ATXN1: variants seen among roughly 807,000 people sequenced by gnomAD.
ATXN1 encodes ataxin-1.
Under a neutral mutation model 56.4 loss-of-function variants are expected in ATXN1, and 8 were observed. The observed-to-expected ratio is 0.14, with a 90% CI of 0.08 to 0.26. The LOEUF (loss-of-function observed/expected upper bound fraction) is 0.26, where lower values mean the gene tolerates loss of function less well. Among genes scored for constraint, ATXN1 ranks in the 10% least tolerant of loss-of-function variants. ATXN1 has a pLI of 1.00. For missense variants in ATXN1, 987 were observed against 1,106.5 expected (o/e 0.89, Z 1.53); for synonymous variants, 514 against 494.6 (o/e 1.04, Z -0.52).
chr6:16,545,793 G>T (rs770694746), intron 4 of ATXN1, among the ~76,000 whole-genome samples: 6 of 152,236 alleles, frequency 3.9e-5, no homozygotes, highest in Non-Finnish European at 8.8e-5. Context: ...AGCAAAGAAA[G>T]CCTGAAAATA....
chr6:16,620,468 GTCTC>G (rs3831515), intron 3 of ATXN1, among the ~76,000 whole-genome samples: 3,993 of 150,552 alleles, frequency 0.027, 71 homozygotes, highest in South Asian at 0.072. Flanking sequence ...AAATTTCTCT[GTCTC>G]TCTCTCTCTC....
intron 3 of ATXN1, among the ~76,000 whole-genome samples, chr6:16,654,633 A>C (rs1188153846): frequency 2.0e-5 from 3 of 151,608 alleles, no homozygotes; most frequent in Non-Finnish European, 4.4e-5. Flanking sequence ...AGTGACAGCC[A>C]GGATTTGTGG....
At chr6:16,316,861 C>CTT (rs1760521842) in intron 7 of ATXN1, among the ~76,000 whole-genome samples, 1 of 96,916 alleles carries the variant, frequency 1.0e-5, no homozygotes, top group Admixed American at 1.1e-4. Flanking sequence ...GAGAGACTGC[C>CTT]TGTCTTTTTT....
intron 3 of ATXN1, among the ~76,000 whole-genome samples, chr6:16,617,766 C>CAAAAAAAAAA (rs397975811): frequency 2.3e-4 from 21 of 89,424 alleles, no homozygotes; most frequent in African/African-American, 6.0e-4. Context: ...AACTCTGTCT[C>CAAAAAAAAAA]AAAAAAAAAA....
chr6:16,566,027 G>C (rs931499049), intron 4 of ATXN1, among the ~76,000 whole-genome samples: 4 of 152,094 alleles, frequency 2.6e-5, no homozygotes, highest in East Asian at 3.9e-4. Context: ...TGGATGGTAG[G>C]GGGAGGGAAG....
At chr6:16,640,551 C>G (rs573102052) in intron 3 of ATXN1, among the ~76,000 whole-genome samples, 1 of 151,904 alleles carries the variant, frequency 6.6e-6, no homozygotes, top group African/African-American at 2.4e-5. Context: ...GACGTAGTGG[C>G]GGGTGCCTGT....
At chr6:16,399,996 C>A (rs141585880) in intron 6 of ATXN1, among the ~76,000 whole-genome samples, 1,550 of 152,310 alleles carry the variant, frequency 0.01, 13 homozygotes, top group Non-Finnish European at 0.015. Flanking sequence ...CACAGCCCAG[C>A]AGCATCAGCA....
intron 3 of ATXN1, among the ~76,000 whole-genome samples, chr6:16,636,873 T>C (rs1393117274): frequency 6.6e-6 from 1 of 152,112 alleles, no homozygotes; most frequent in East Asian, 1.9e-4. Flanking sequence ...AGTGGAGAAA[T>C]AGGAACACTT....
At chr6:16,364,302 G>A (rs1761871401) in intron 6 of ATXN1, among the ~76,000 whole-genome samples, 1 of 152,018 alleles carries the variant, frequency 6.6e-6, no homozygotes, top group Non-Finnish European at 1.5e-5. Flanking sequence ...TTCATGCTGA[G>A]GTTCTAGATT....
At chr6:16,597,873 C>A (rs570617581) in intron 3 of ATXN1, among the ~76,000 whole-genome samples, 5 of 151,928 alleles carry the variant, frequency 3.3e-5, no homozygotes, top group South Asian at 4.2e-4. Context: ...CCAGGGACAG[C>A]AAAGAAAGGC....
intron 2 of ATXN1, among the ~76,000 whole-genome samples, chr6:16,707,913 A>G (rs1010271439): frequency 6.6e-6 from 1 of 152,260 alleles, no homozygotes; most frequent in Non-Finnish European, 1.5e-5. Flanking sequence ...AAAACAAAAC[A>G]AAACAAAAAG....
At chr6:16,582,086 G>C (rs1466999570) in intron 4 of ATXN1, among the ~76,000 whole-genome samples, 1 of 152,116 alleles carries the variant, frequency 6.6e-6, no homozygotes, top group Non-Finnish European at 1.5e-5. Context: ...TCCTGGCCTG[G>C]TCCGGCTGTC....
At chr6:16,358,807 TG>T (rs994612671) in intron 6 of ATXN1, among the ~76,000 whole-genome samples, 1 of 152,174 alleles carries the variant, frequency 6.6e-6, no homozygotes, top group African/African-American at 2.4e-5. Context: ...CCTGTGCTCT[TG>T]GGGGAGCCTG....
At chr6:16,595,519 C>T (rs1024422289) in intron 3 of ATXN1, among the ~76,000 whole-genome samples, 2 of 152,254 alleles carry the variant, frequency 1.3e-5, no homozygotes, top group South Asian at 2.1e-4. Context: ...CCACAGCTGA[C>T]GCTGAAGTTA....
intron 6 of ATXN1, among the ~76,000 whole-genome samples, chr6:16,358,126 C>T (rs918034375): frequency 5.3e-5 from 8 of 151,714 alleles, no homozygotes; most frequent in African/African-American, 7.3e-5. Context: ...TCAAGAAGGG[C>T]GAAGATGCAA....
Position 16,532,402 on chromosome 6 carries a change from C to T in ATXN1, c.-360-9714G>A, listed in dbSNP as rs564842608. Among the ~76,000 whole-genome samples the T allele has an allele frequency of 9.9e-5, 15 of 152,274 alleles. No homozygotes were observed. In the East Asian group the frequency reaches 2.9e-3, roughly 29 times the overall value. Reference sequence around the variant, plus strand: ...CAGTGGTAAGTCTCTACATATTCATCTCTGCATTACATATGTGCAAAGGGA... The same window carrying T: ...CAGTGGTAAGTCTCTACATATTCATTTCTGCATTACATATGTGCAAAGGGA... On this transcript the variant is annotated intron_variant, in intron 4 of 7. Transcript: ENST00000436367.
intron 6 of ATXN1, among the ~76,000 whole-genome samples, chr6:16,404,366 C>A (rs1043973417): frequency 4.3e-4 from 66 of 152,162 alleles, no homozygotes; most frequent in Admixed American, 4.3e-3. Flanking sequence ...TTCACATTTT[C>A]CACTAAAAGG....
At chr6:16,487,277 G>GA (rs759545412) in intron 5 of ATXN1, among the ~76,000 whole-genome samples, 2 of 105,050 alleles carry the variant, frequency 1.9e-5, no homozygotes, top group Non-Finnish European at 3.9e-5. Flanking sequence ...AGCATGCACA[G>GA]AAAAAACAGT....
chr6:16,417,718 G>A (rs1019993600), intron 6 of ATXN1, among the ~76,000 whole-genome samples: 8 of 152,098 alleles, frequency 5.3e-5, no homozygotes, highest in East Asian at 1.9e-4. Context: ...GACTATAGGC[G>A]TGAGCCACCA....
Sources: gnomAD v4.1 joint callset for allele counts (sites outside exome capture counted in the v4.1 genomes callset) on GRCh38, gnomAD v4.1.1 for gene constraint, MANE v1.5 for transcripts, NCBI Gene and HGNC (gene_info 2026-07-23, HGNC 2026-07-21) for gene names.